Variants in C2CD2L observed in about 807,000 individuals in gnomAD.
C2CD2L encodes the protein phospholipid transfer protein C2CD2L.
In C2CD2L, 24 loss-of-function variants were observed where a neutral mutation model predicts 69.9. The observed-to-expected ratio is 0.34, with a 90% confidence interval of 0.25 to 0.48. C2CD2L has a LOEUF of 0.48. C2CD2L is among the 20% of genes least tolerant of loss of function. The probability of loss-of-function intolerance (pLI) is 0.99; values close to 1 mark genes in which losing one functional copy is unlikely to be tolerated. For synonymous variants in C2CD2L, 367 were observed against 391.0 expected (o/e 0.94, Z 0.72); for missense variants, 811 against 941.5 (o/e 0.86, Z 1.81).
intron 7 of C2CD2L, 24 bp from the exon 8 acceptor site, chr11:119,112,304 G>T: frequency 6.2e-7 from 1 of 1,606,606 alleles, no homozygotes; most frequent in Non-Finnish European, 8.5e-7. Context: ...TCTCCTTCCT[G>T]CCCCATCTCC....
upstream of C2CD2L, among the ~76,000 whole-genome samples, chr11:119,103,561 G>A (rs1946543415): frequency 1.3e-5 from 2 of 152,254 alleles, no homozygotes; most frequent in South Asian, 4.1e-4. Flanking sequence ...GCCGGGTGTG[G>A]TGGCACATGC....
chr11:119,108,681 G>A (rs1946657320), intron 1 of C2CD2L, among the ~76,000 whole-genome samples: 1 of 152,186 alleles, frequency 6.6e-6, no homozygotes, highest in Non-Finnish European at 1.5e-5. Flanking sequence ...ACTGCCCCTT[G>A]AGGGTCAGTC....
At chr11:119,111,409 C>A (rs769868088) in intron 6 of C2CD2L, 35 bp downstream of exon 6, 13 of 1,605,646 alleles carry the variant, frequency 8.1e-6, no homozygotes, top group Non-Finnish European at 1.1e-5. Flanking sequence ...ACTGCCAAGG[C>A]TATGGTTGGT....
chr11:119,111,497 C>G lies in C2CD2L; in HGVS notation c.911-24C>G, dbSNP rs752158483. The G allele has an allele frequency of 5.0e-6, 8 of 1,610,836 alleles. No individual in the cohort carries two copies. In the Admixed American group the frequency reaches 1.2e-4, roughly 23 times the overall value. On this transcript the variant is annotated intron_variant, in intron 6 of 13. Transcript: ENST00000648610. ...GACTTCCCATCTCTGATCTGAGCAT[C>G]TTCTAACTTCTGGTTCATCACAGGC... is the stretch of plus-strand genomic sequence containing the variant.
At chr11:119,108,919 A>C (rs1946663811) in intron 1 of C2CD2L, among the ~76,000 whole-genome samples, 1 of 152,118 alleles carries the variant, frequency 6.6e-6, no homozygotes. Context: ...TGGAGGCTTT[A>C]CCTTACTAGT....
In C2CD2L at chr11:119,111,024, C is replaced by T. The variant is rs769264203; in HGVS notation, c.682-28C>T. The T allele has an allele frequency of 1.7e-5, 27 of 1,612,486 alleles. 1 individual carries two copies. In the South Asian group the frequency reaches 2.5e-4, roughly 15 times the overall value. On this transcript the variant is annotated intron_variant, in intron 4 of 13. Coordinates refer to ENST00000648610, the MANE Select transcript of C2CD2L (RefSeq NM_001290474.2). ...GGAGGCAGAGGTGGGGGATCCACCTCCTTGTTGTTCCCTTCTTCTCTCTGC... is the reference window on the plus strand; with the variant it reads ...GGAGGCAGAGGTGGGGGATCCACCTTCTTGTTGTTCCCTTCTTCTCTCTGC...
At chr11:119,111,988 T>A (rs1254700280) in intron 7 of C2CD2L, 1 of 437,190 alleles carries the variant, frequency 2.3e-6, no homozygotes, top group Non-Finnish European at 4.1e-6. Context: ...AACCACACTT[T>A]AGAGCAAGAG....
In C2CD2L at chr11:119,111,133, G is replaced by A. The variant is rs1368341080; in HGVS notation, c.763G>A (p.Val255Ile). ...AIVSTQPAMM[V>I]NLRACSAPGG... Reference sequence around the variant, plus strand: ...AGTCAGCACCCAGCCAGCCATGATGGTCAACCTCAGGGCTTGCTCTGCCCC... The same window carrying A: ...AGTCAGCACCCAGCCAGCCATGATGATCAACCTCAGGGCTTGCTCTGCCCC... The change falls in exon 5 of 14, where the codon GTC becomes ATC. Residue 255 changes from valine (V) to isoleucine (I), a missense_variant. Transcript: ENST00000648610. The A allele has an allele frequency of 6.2e-7, 1 of 1,613,932 alleles. No individual in the cohort carries two copies. Among genetic ancestry groups the A allele is most frequent in the South Asian group, 1.1e-5 (1 of 91,074 alleles).
intron 1 of C2CD2L, among the ~76,000 whole-genome samples, chr11:119,108,657 T>G (rs145258426): frequency 1.3e-5 from 2 of 152,238 alleles, no homozygotes; most frequent in Non-Finnish European, 2.9e-5. Flanking sequence ...CCCCTACCAG[T>G]AGATGAGCTT....
chr11:119,107,750 G>T lies in C2CD2L; in HGVS notation c.9G>T (p.Pro3=), dbSNP rs758069220. Residue 3 remains proline, a synonymous_variant, in exon 1 of 14, where the codon CCG becomes CCT. Transcript: ENST00000648610. The surrounding 1 kb of genome is among the most constrained non-coding windows in gnomAD (Gnocchi z 5.4). ...CGGAGCCCGCGCGGAGCATGGATCC[G>T]GGCTGGGGGCAGCGGGACGTGGGCT... MD[P]GWGQRDVGWA... 3.1e-5 allele frequency: 47 copies of T among 1,529,978 alleles called. No homozygotes were observed. Among genetic ancestry groups the T allele is most frequent in the African/African-American group, 4.3e-5 (3 of 69,686 alleles). The allele number at this position is 1,529,978 out of a possible 1,614,324, so 94.8% of individuals were successfully genotyped here. A position where few individuals can be genotyped will look rare whatever the true frequency, so the allele number is the denominator to read the frequency against.
intron 10 of C2CD2L, chr11:119,113,190 A>AT: frequency 2.2e-6 from 1 of 447,716 alleles, no homozygotes; most frequent in Non-Finnish European, 4.0e-6. Context: ...CCAGCTGACT[A>AT]TAATTGTCCA....
In C2CD2L at chr11:119,110,448, C is replaced by T. The variant is rs902429859; in HGVS notation, c.451-113C>T. 1.6e-6 allele frequency: 2 copies of T among 1,251,272 alleles called. No homozygotes were observed. The highest frequency in any genetic ancestry group is 3.0e-5 in the African/African-American group (2 of 66,198). 77.5% of individuals were successfully genotyped at this position (1,251,272 alleles called of 1,614,324 possible). On this transcript the variant is annotated intron_variant, in intron 2 of 13. Transcript: ENST00000648610. The surrounding 1 kb of genome is among the most constrained non-coding windows in gnomAD (Gnocchi z 5.7). Reference sequence around the variant, plus strand: ...TTTTAGGGATTTATGATCCTGAAAACATGAAGTCCTTAGGAAAACGGAAGT... The same window carrying T: ...TTTTAGGGATTTATGATCCTGAAAATATGAAGTCCTTAGGAAAACGGAAGT...
Position 119,114,442 on chromosome 11 carries a change from G to C in C2CD2L, c.1909+77G>C. On this transcript the variant is annotated intron_variant, in intron 13 of 13. Transcript: ENST00000648610. This position sits in a 1 kb window ranked among gnomAD's most constrained non-coding sequence, Gnocchi z 5.1. ...ATGACCTGGGGGACCTCGAGCCAGT[G>C]TGCCTTCTCCTTCCTCCCCTAAGAG... is the stretch of plus-strand genomic sequence containing the variant. 1 of 1,410,722 alleles carries C rather than the reference G, an allele frequency of 7.1e-7. No individual in the cohort carries two copies. The highest frequency in any genetic ancestry group is 1.3e-5 in the South Asian group (1 of 79,602). The allele number at this position is 1,410,722 out of a possible 1,614,324, so 87.4% of individuals were successfully genotyped here. A position where few individuals can be genotyped will look rare whatever the true frequency, so the allele number is the denominator to read the frequency against.
At position 119,116,718 on chromosome 11, in the gene C2CD2L, T is replaced by C. The variant is rs936003315; in HGVS notation, c.*462T>C. The C allele has an allele frequency of 2.4e-5, 4 of 168,572 alleles. No individual in the cohort carries two copies. The highest frequency in any genetic ancestry group is 5.5e-5 in the Admixed American group (1 of 18,072). The allele number at this position is 168,572 out of a possible 1,614,324, so 10.4% of individuals were successfully genotyped here. On this transcript the variant is annotated 3_prime_UTR_variant, in exon 14 of 14. Coordinates refer to ENST00000648610, the MANE Select transcript of C2CD2L (RefSeq NM_001290474.2). Reference sequence around the variant, plus strand: ...TCCCAGGAGGGTGGGTAATTCCCTTTGGGATGGGGCTCCCACACCTCCCTC... The same window carrying C: ...TCCCAGGAGGGTGGGTAATTCCCTTCGGGATGGGGCTCCCACACCTCCCTC...
At position 119,107,679 on chromosome 11, in the gene C2CD2L, C is replaced by T. The variant is rs1288513321; in HGVS notation, c.-63C>T. On this transcript the variant is annotated 5_prime_UTR_variant, in exon 1 of 14. Transcript: ENST00000648610. The surrounding 1 kb of genome is among the most constrained non-coding windows in gnomAD (Gnocchi z 5.4). ...ACCTCCTCCCCGCGGCCCGCCCGGG[C>T]CATGCTCCCCCGGGGCAGCGGGTGA... 1.6e-5 allele frequency: 18 copies of T among 1,103,654 alleles called. No homozygotes were observed. Among genetic ancestry groups the T allele is most frequent in the Middle Eastern group, 3.1e-4 (1 of 3,178 alleles). The allele number at this position is 1,103,654 out of a possible 1,614,324, so 68.4% of individuals were successfully genotyped here.
In C2CD2L at chr11:119,109,065, T is replaced by C. The variant is rs1389309908; in HGVS notation, c.354+970T>C. On this transcript the variant is annotated intron_variant, in intron 1 of 13. Transcript: ENST00000648610. The surrounding 1 kb of genome is among the most constrained non-coding windows in gnomAD (Gnocchi z 5.1). Reference sequence around the variant, plus strand: ...TCTTCATCCAACTCTCCCTGTACCTTGTCCCTCGGTCAGAAGCAACTCCCC... The same window carrying C: ...TCTTCATCCAACTCTCCCTGTACCTCGTCCCTCGGTCAGAAGCAACTCCCC... Among the ~76,000 whole-genome samples the C allele has an allele frequency of 6.6e-6, 1 of 152,210 alleles. No homozygotes were observed. Among genetic ancestry groups the C allele is most frequent in the Non-Finnish European group, 1.5e-5 (1 of 68,032 alleles).
In C2CD2L at chr11:119,113,897, C is replaced by G; in HGVS notation, c.1532C>G (p.Thr511Arg). The part of the protein sequence containing the change: ...LSNGLDPVAE[T>R]AIRQLTEPSG... ...AACGGCTTGGACCCTGTAGCAGAGA[C>G]AGCGATTCGCCAGCTGACAGAGCCC... Residue 511 changes from threonine (T) to arginine (R), a missense_variant, in exon 12 of 14, where the codon ACA (threonine) becomes AGA (arginine). Transcript: ENST00000648610. 1 of 1,614,180 alleles carries G rather than the reference C, an allele frequency of 6.2e-7. No individual in the cohort carries two copies. The highest frequency in any genetic ancestry group is 8.5e-7 in the Non-Finnish European group (1 of 1,180,034).
At position 119,111,530 on chromosome 11, in the gene C2CD2L, A is replaced by T. The variant is rs1490397007; in HGVS notation, c.920A>T (p.Glu307Val). 5.6e-6 allele frequency: 9 copies of T among 1,613,900 alleles called. No homozygotes were observed. The highest frequency in any genetic ancestry group is 7.6e-6 in the Non-Finnish European group (9 of 1,179,882). The change falls in exon 7 of 14, where the codon GAA becomes GTA. Residue 307 changes from glutamate (E) to valine (V), a missense_variant. Coordinates refer to ENST00000648610, the MANE Select transcript of C2CD2L (RefSeq NM_001290474.2). ...HLGNELEGTE[E>V]LCCVAELDNP... Reference sequence around the variant, plus strand: ...TTCTGGTTCATCACAGGCACCGAGGAACTGTGCTGTGTAGCTGAACTCGAC... The same window carrying T: ...TTCTGGTTCATCACAGGCACCGAGGTACTGTGCTGTGTAGCTGAACTCGAC...
chr11:119,110,902 T>A lies in C2CD2L; in HGVS notation c.626T>A (p.Phe209Tyr). 6.2e-7 allele frequency: 1 copy of A among 1,614,182 alleles called. No individual in the cohort carries two copies. Among genetic ancestry groups the A allele is most frequent in the Non-Finnish European group, 8.5e-7 (1 of 1,180,016 alleles). ...PGEGLLISWA[F>Y]TDRPDLSLTV... is the part of the protein sequence containing the mutation. ...GAGGGGCTGCTCATATCCTGGGCCT[T>A]CACTGATCGCCCAGATCTCAGCCTA... is the stretch of plus-strand genomic sequence containing the variant. Residue 209 changes from phenylalanine (F) to tyrosine (Y), a missense_variant, in exon 4 of 14, where the codon TTC (phenylalanine) becomes TAC (tyrosine). Transcript: ENST00000648610. This position sits in a 1 kb window ranked among gnomAD's most constrained non-coding sequence, Gnocchi z 5.7.
Sources: gnomAD v4.1 joint callset for allele counts (sites outside exome capture counted in the v4.1 genomes callset) on GRCh38, gnomAD v4.1.1 for gene constraint, Gnocchi (gnomAD v3.1) non-coding constraint, MANE v1.5 for transcripts, NCBI Gene and HGNC (gene_info 2026-07-23, HGNC 2026-07-21) for gene names.